RIMS1: variants seen among roughly 807,000 people sequenced by gnomAD.
RIMS1 encodes the protein regulating synaptic membrane exocytosis 1, also known as regulating synaptic membrane exocytosis protein 1.
Under a neutral mutation model 214.1 loss-of-function variants are expected in RIMS1, and 83 were observed. The ratio of observed to expected loss-of-function variants is 0.39; its 90% CI spans 0.32 to 0.47. The LOEUF (loss-of-function observed/expected upper bound fraction) is 0.47, where lower values mean the gene tolerates loss of function less well. Among genes scored for constraint, RIMS1 ranks in the 20% least tolerant of loss-of-function variants. RIMS1 has a pLI of 0.99. For synonymous variants in RIMS1, 793 were observed against 786.8 expected (o/e 1.01, Z -0.13); for missense variants, 2,050 against 2,161.8 (o/e 0.95, Z 1.03).
intron 6 of RIMS1, among the ~76,000 whole-genome samples, chr6:72,196,362 TC>T (rs2050873990): frequency 8.7e-6 from 1 of 115,566 alleles, no homozygotes; most frequent in Admixed American, 8.9e-5. Flanking sequence ...TGTCTGTCTG[TC>T]TGTCTGTCTG....
intron 29 of RIMS1, among the ~76,000 whole-genome samples, chr6:72,389,157 C>T (rs2098662229): frequency 6.6e-6 from 1 of 152,024 alleles, no homozygotes; most frequent in Non-Finnish European, 1.5e-5. Flanking sequence ...GAAGTAACAA[C>T]CAATGTCAAA....
chr6:72,306,226 A>G (rs761411567), intron 26 of RIMS1, among the ~76,000 whole-genome samples: 1 of 151,810 alleles, frequency 6.6e-6, no homozygotes, highest in South Asian at 2.1e-4. Context: ...CCAATAAGCA[A>G]TTTTCCATAC....
intron 28 of RIMS1, among the ~76,000 whole-genome samples, chr6:72,315,850 C>G (rs886633396): frequency 3.9e-5 from 6 of 152,110 alleles, no homozygotes; most frequent in African/African-American, 1.4e-4. Flanking sequence ...GCATTGCAGG[C>G]TCTTCAGATG....
At chr6:72,265,896 G>A (rs932971256) in intron 21 of RIMS1, 64 bp from the exon 22 acceptor site, 2 of 1,145,522 alleles carry the variant, frequency 1.7e-6, no homozygotes, top group African/African-American at 3.1e-5. Flanking sequence ...CTCTAACATG[G>A]TCTTCCTTTC....
At chr6:71,903,417 C>A (rs1774315581) in intron 1 of RIMS1, among the ~76,000 whole-genome samples, 1 of 152,052 alleles carries the variant, frequency 6.6e-6, no homozygotes, top group African/African-American at 2.4e-5. Context: ...AAAATCTAGG[C>A]AATACCATTC....
intron 2 of RIMS1, among the ~76,000 whole-genome samples, chr6:71,985,970 CTTT>C (rs934859625): frequency 2.6e-5 from 4 of 152,152 alleles, no homozygotes; most frequent in Non-Finnish European, 4.4e-5. Flanking sequence ...AATATCTTTA[CTTT>C]AACATATGTC....
intron 6 of RIMS1, among the ~76,000 whole-genome samples, chr6:72,220,494 G>A (rs1486854945): frequency 2.6e-5 from 4 of 151,974 alleles, no homozygotes; most frequent in African/African-American, 9.7e-5. Flanking sequence ...ACATTCAGTG[G>A]TAGAAAAAGT....
intron 4 of RIMS1, among the ~76,000 whole-genome samples, chr6:72,178,046 T>C (rs1345037549): frequency 2.0e-5 from 3 of 152,230 alleles, no homozygotes; most frequent in East Asian, 1.9e-4. Context: ...TTCCGTAATA[T>C]TGGTTATAAT....
intron 27 of RIMS1, among the ~76,000 whole-genome samples, chr6:72,310,874 A>G (rs182379991): frequency 2.0e-5 from 3 of 152,208 alleles, no homozygotes; most frequent in Admixed American, 1.3e-4. Context: ...TATCAGAATG[A>G]TAGATTATTC....
chr6:72,336,501 G>C (rs1398152405), intron 29 of RIMS1, among the ~76,000 whole-genome samples: 1 of 151,722 alleles, frequency 6.6e-6, no homozygotes, highest in East Asian at 1.9e-4. Flanking sequence ...CCAGTGTACA[G>C]GTGGAAAAAG....
At chr6:72,025,718 C>T (rs923723356) in intron 2 of RIMS1, among the ~76,000 whole-genome samples, 3 of 152,186 alleles carry the variant, frequency 2.0e-5, no homozygotes, top group African/African-American at 7.2e-5. Flanking sequence ...CAACTATAAT[C>T]GTCTCTTGTA....
At chr6:72,233,903 G>A in intron 7 of RIMS1, 63 bp downstream of exon 7, 1 of 1,030,264 alleles carries the variant, frequency 9.7e-7, no homozygotes, top group Non-Finnish European at 1.5e-6. Flanking sequence ...ATTGTCCTTT[G>A]TCTGATATGT....
At chr6:72,214,342 T>TA (rs2154014437) in intron 6 of RIMS1, among the ~76,000 whole-genome samples, 1 of 152,192 alleles carries the variant, frequency 6.6e-6, no homozygotes, top group South Asian at 2.1e-4. Flanking sequence ...CAGGGTTTGG[T>TA]AAAAAATTGC....
chr6:72,167,826 T>G (rs1030403733), intron 4 of RIMS1, among the ~76,000 whole-genome samples: 1 of 152,052 alleles, frequency 6.6e-6, no homozygotes, highest in African/African-American at 2.4e-5. Context: ...TCTTGACCAG[T>G]GCTGTGGGAT....
At chr6:72,043,494 T>C (rs1283414396) in intron 2 of RIMS1, among the ~76,000 whole-genome samples, 1 of 151,800 alleles carries the variant, frequency 6.6e-6, no homozygotes, top group Non-Finnish European at 1.5e-5. Context: ...TTGGATGTTA[T>C]GGCACAATGA....
chr6:71,945,475 A>G (rs1787502086), intron 1 of RIMS1, among the ~76,000 whole-genome samples: 1 of 152,284 alleles, frequency 6.6e-6, no homozygotes, highest in South Asian at 2.1e-4. Context: ...TATTGACAGT[A>G]CAAATAAATA....
At chr6:72,373,128 T>C (rs2098270731) in intron 29 of RIMS1, among the ~76,000 whole-genome samples, 1 of 152,338 alleles carries the variant, frequency 6.6e-6, no homozygotes, top group East Asian at 1.9e-4. Context: ...GATCAGACTT[T>C]GGATTCCGTC....
chr6:72,235,186 A>T (rs1485241504), intron 7 of RIMS1, among the ~76,000 whole-genome samples: 2 of 151,972 alleles, frequency 1.3e-5, no homozygotes, highest in African/African-American at 4.8e-5. Flanking sequence ...CATCTCAAAC[A>T]TTTATCATTT....
chr6:72,099,147 C>T (rs2032856961), intron 3 of RIMS1, among the ~76,000 whole-genome samples: 1 of 152,168 alleles, frequency 6.6e-6, no homozygotes, highest in African/African-American at 2.4e-5. Flanking sequence ...CTTTTAACTT[C>T]CCATTATAGG....
Sources: allele counts gnomAD v4.1 joint callset (sites outside exome capture counted in the v4.1 genomes callset), GRCh38; gene constraint gnomAD v4.1.1; transcripts MANE v1.5; gene names NCBI Gene and HGNC (gene_info 2026-07-23, HGNC 2026-07-21).